Variants in DOCK1 observed in about 807,000 individuals in gnomAD.
DOCK1 encodes the protein dedicator of cytokinesis protein 1.
DOCK1 carries 138 observed loss-of-function variants against 262.7 expected under a neutral mutation model. That is an observed-to-expected ratio of 0.53 (90% CI 0.46 to 0.61). The LOEUF (loss-of-function observed/expected upper bound fraction) is 0.61, where lower values mean the gene tolerates loss of function less well. Among genes scored for constraint, DOCK1 ranks in the 20% least tolerant of loss-of-function variants. The pLI is 0.00. For synonymous variants in DOCK1, 866 were observed against 867.4 expected (o/e 1.00, Z 0.03); for missense variants, 1,908 against 2,370.7 (o/e 0.80, Z 4.05).
At chr10:127,409,241 G>T (rs1311507393) in intron 41 of DOCK1, 63 bp downstream of exon 41, 1 of 1,612,024 alleles carries the variant, frequency 6.2e-7, no homozygotes, top group Non-Finnish European at 8.5e-7. Context: ...TTGGGTGGTT[G>T]GGTGTGGTGG....
intron 16 of DOCK1, among the ~76,000 whole-genome samples, chr10:127,028,066 G>T (rs1372591552): frequency 6.7e-6 from 1 of 148,304 alleles, no homozygotes; most frequent in Admixed American, 6.7e-5. Context: ...TGGCGGGGGA[G>T]TGCGGGGGGT....
chr10:127,010,166 A>G (rs1462133884), intron 11 of DOCK1, among the ~76,000 whole-genome samples: 2 of 152,206 alleles, frequency 1.3e-5, no homozygotes, highest in African/African-American at 4.8e-5. Context: ...CCATGTGGCT[A>G]TTTAAAATAC....
At chr10:127,354,351 A>G (rs1266267034) in intron 31 of DOCK1, among the ~76,000 whole-genome samples, 1 of 152,216 alleles carries the variant, frequency 6.6e-6, no homozygotes, top group Non-Finnish European at 1.5e-5. Context: ...AACGACATGC[A>G]TGGAACCAAG....
In DOCK1 at chr10:127,332,230, T is replaced by A. The variant is rs116122321; in HGVS notation, c.3045-6776T>A. ...GCCTCAGGCTAGAGCAGACGCACCC[T>A]GGGAATCCTCTGTATTCTTGTTGGC... On this transcript the variant is annotated intron_variant, in intron 29 of 51. Coordinates refer to ENST00000623213, the MANE Select transcript of DOCK1 (RefSeq NM_001290223.2). 3.4e-3 allele frequency among the ~76,000 whole-genome samples: 520 copies of A among 152,316 alleles called. 6 individuals are homozygous for A. The highest frequency in any genetic ancestry group is 0.011 in the African/African-American group (467 of 41,580).
At chr10:127,438,954 A>T in intron 48 of DOCK1, 73 bp from the exon 49 acceptor site, 2 of 1,410,334 alleles carry the variant, frequency 1.4e-6, no homozygotes, top group Non-Finnish European at 1.9e-6. Context: ...ATGGATTGTG[A>T]GTGACTTTAC....
chr10:127,423,803 C>T (rs1476967419), intron 46 of DOCK1, among the ~76,000 whole-genome samples: 1 of 152,124 alleles, frequency 6.6e-6, no homozygotes, highest in African/African-American at 2.4e-5. Flanking sequence ...AGGGGACAGA[C>T]AGGAGCAAAC....
At chr10:127,299,255 C>A (rs570802657) in intron 29 of DOCK1, among the ~76,000 whole-genome samples, 27 of 152,290 alleles carry the variant, frequency 1.8e-4, no homozygotes, top group Admixed American at 4.6e-4. Context: ...TGCGCCACCA[C>A]ACCTGGCTAA....
Position 126,905,559 on chromosome 10 carries a change from C to T in DOCK1, c.42C>T (p.Gly14=), listed in dbSNP as rs767520122. Reference sequence around the variant, plus strand: ...CCACCAAGCGCGAGGAGAAGTACGGCGTGGGTGAGCAGCGCCGCCGCCGCC... The same window carrying T: ...CCACCAAGCGCGAGGAGAAGTACGGTGTGGGTGAGCAGCGCCGCCGCCGCC... The part of the protein sequence containing the change: ...WVPTKREEKY[G]VAFYNYDARG... The change falls in exon 1 of 52, where the codon GGC becomes GGT. Residue 14 remains glycine (G), a synonymous_variant. Transcript: ENST00000623213. The T allele has an allele frequency of 2.9e-4, 128 of 439,596 alleles. No individual in the cohort carries two copies. Among genetic ancestry groups the T allele is most frequent in the Non-Finnish European group, 7.4e-5 (18 of 242,152 alleles). 27.2% of individuals were successfully genotyped at this position (439,596 alleles called of 1,614,324 possible). A position where few individuals can be genotyped will look rare whatever the true frequency, so the allele number is the denominator to read the frequency against.
chr10:127,023,542 CTTTTTTTTT>C (rs10652401), intron 14 of DOCK1, among the ~76,000 whole-genome samples: 1 of 124,382 alleles, frequency 8.0e-6, no homozygotes, highest in Admixed American at 8.5e-5. Context: ...TCCCTGTGGT[CTTTTTTTTT>C]TTTTTTTTTG....
chr10:127,108,543 G>A (rs1311040510), intron 24 of DOCK1, among the ~76,000 whole-genome samples: 1 of 152,062 alleles, frequency 6.6e-6, no homozygotes, highest in Non-Finnish European at 1.5e-5. Flanking sequence ...CCTGGATCGC[G>A]GCATTGTACT....
intron 29 of DOCK1, among the ~76,000 whole-genome samples, chr10:127,317,100 T>G (rs1459929746): frequency 6.6e-6 from 1 of 152,154 alleles, no homozygotes; most frequent in African/African-American, 2.4e-5. Flanking sequence ...TTGCTGACAG[T>G]TTTTCTGGAC....
rs1337034297 is a variant in DOCK1 at position 127,175,692 on chromosome 10, G to T, written c.2847+47928G>T. On this transcript the variant is annotated intron_variant, in intron 27 of 51. Coordinates refer to ENST00000623213, the MANE Select transcript of DOCK1 (RefSeq NM_001290223.2). The surrounding 1 kb of genome is among the most constrained non-coding windows in gnomAD (Gnocchi z 6.3). ...AGGTGGAGCGGGCTCCTCGGAGTTT[G>T]GCCTCCCCCGGTCCTGCTTGGCCCT... is the stretch of plus-strand genomic sequence containing the variant. 6.2e-7 allele frequency: 1 copy of T among 1,613,694 alleles called. No homozygotes were observed. The highest frequency in any genetic ancestry group is 8.5e-7 in the Non-Finnish European group (1 of 1,179,978).
intron 29 of DOCK1, among the ~76,000 whole-genome samples, chr10:127,313,786 C>T (rs933313203): frequency 5.9e-5 from 9 of 152,236 alleles, no homozygotes; most frequent in South Asian, 2.1e-4. Context: ...TAGACAGGTT[C>T]GCCTGAGGGC....
intron 18 of DOCK1, among the ~76,000 whole-genome samples, chr10:127,036,552 C>T (rs1445664446): frequency 2.0e-5 from 3 of 151,700 alleles, no homozygotes; most frequent in Admixed American, 1.3e-4. Flanking sequence ...ATGAGCATAA[C>T]GGTAAATTAG....
chr10:127,180,723 A>C (rs1385353373), intron 27 of DOCK1, among the ~76,000 whole-genome samples: 1 of 152,248 alleles, frequency 6.6e-6, no homozygotes, highest in African/African-American at 2.4e-5. Context: ...ACAATAGGTA[A>C]ACAGTTAAGT....
chr10:126,982,368 C>A (rs557551950), intron 4 of DOCK1, among the ~76,000 whole-genome samples: 8 of 152,092 alleles, frequency 5.3e-5, no homozygotes, highest in Non-Finnish European at 1.0e-4. Context: ...TAGGGTGAAG[C>A]AACAGTTGTT....
rs762079312 is a variant in DOCK1, at chr10:127,043,102, G to A, written c.2139G>A (p.Gln713=). The A allele has an allele frequency of 6.2e-7, 1 of 1,610,792 alleles. No homozygotes were observed. Among genetic ancestry groups the A allele is most frequent in the Non-Finnish European group, 8.5e-7 (1 of 1,178,362 alleles). The change falls in exon 21 of 52, where the codon CAG becomes CAA. Residue 713 remains glutamine (Q), a synonymous_variant. Transcript: ENST00000623213. ...IIGLIADRKF[Q]HFNPVLETYI... ...GACTGATTGCTGATAGAAAATTTCA[G>A]CATTTTAATCCTGTTTTGGAAACTT... is the stretch of plus-strand genomic sequence containing the variant.
Position 127,160,446 on chromosome 10 carries a change from G to A in DOCK1, c.2847+32682G>A, listed in dbSNP as rs183425738. Among the ~76,000 whole-genome samples, 15 of 152,314 alleles carry A rather than the reference G, an allele frequency of 9.8e-5. No individual in the cohort carries two copies. In the East Asian group the frequency reaches 2.5e-3, roughly 26 times the overall value. ...TGCAGAGTTCAGCAGCATGCTGTGG[G>A]CCCCTCCCTGGAAGATGTGTTCAGT... On this transcript the variant is annotated intron_variant, in intron 27 of 51. Transcript: ENST00000623213.
At chr10:126,993,325 C>T (rs1014205166) in intron 6 of DOCK1, among the ~76,000 whole-genome samples, 7 of 152,196 alleles carry the variant, frequency 4.6e-5, no homozygotes, top group Non-Finnish European at 1.0e-4. Flanking sequence ...GTGCCCATAC[C>T]AGAACTGATC....
Sources: allele counts gnomAD v4.1 joint callset (sites outside exome capture counted in the v4.1 genomes callset), GRCh38; gene constraint gnomAD v4.1.1; non-coding constraint Gnocchi (gnomAD v3.1); transcripts MANE v1.5; gene names NCBI Gene and HGNC (gene_info 2026-07-23, HGNC 2026-07-21).